ALDH3B1: variants seen among roughly 807,000 people sequenced by gnomAD.
ALDH3B1 encodes the protein aldehyde dehydrogenase family 3 member B1.
ALDH3B1 carries 37 observed loss-of-function variants against 46.2 expected under a neutral mutation model. The ratio of observed to expected loss-of-function variants is 0.80; its 90% CI spans 0.62 to 1.05. The LOEUF (loss-of-function observed/expected upper bound fraction) is 1.05, where lower values mean the gene tolerates loss of function less well. Among genes scored for constraint, ALDH3B1 ranks in the 50% least tolerant of loss-of-function variants. The probability of loss-of-function intolerance (pLI) is 0.00; values close to 1 mark genes in which losing one functional copy is unlikely to be tolerated. For synonymous variants in ALDH3B1, 283 were observed against 281.0 expected, an observed-to-expected ratio of 1.01 and a Z score of -0.07; for missense variants, 603 against 665.5, an observed-to-expected ratio of 0.91 and a Z score of 1.03.
Position 68,018,821 on chromosome 11 carries a change from G to T in ALDH3B1, c.322G>T (p.Val108Phe), listed in dbSNP as rs574684933. The T allele has an allele frequency of 6.4e-7, 1 of 1,564,884 alleles. No individual in the cohort carries two copies. The highest frequency in any genetic ancestry group is 8.7e-7 in the Non-Finnish European group (1 of 1,155,136). ...CATCCGGAAGGAGCCCTTTGGCCTGGTCCTCATCATTGCGCCCTGGAACTA... is the reference window on the plus strand; with the variant it reads ...CATCCGGAAGGAGCCCTTTGGCCTGTTCCTCATCATTGCGCCCTGGAACTA... ...AFIRKEPFGLVLIIAPWNYPL... is the reference protein window; with the variant it reads ...AFIRKEPFGLFLIIAPWNYPL... The change falls in exon 4 of 10, where the codon GTC (valine) becomes TTC (phenylalanine). Residue 108 changes from valine (V) to phenylalanine (F), a missense_variant. Physicochemically the swap from Val to Phe is conservative, Grantham distance 50. Coordinates refer to ENST00000342456, the MANE Select transcript of ALDH3B1 (RefSeq NM_000694.4).
chr11:68,022,977 G>A (rs1857540997), intron 8 of ALDH3B1, among the ~76,000 whole-genome samples: 1 of 152,214 alleles, frequency 6.6e-6, no homozygotes, highest in South Asian at 2.1e-4. Flanking sequence ...TCAGTGGGCA[G>A]CTTCCTGGGG....
Position 68,021,884 on chromosome 11 carries a change from G to T in ALDH3B1, c.949+13G>T, listed in dbSNP as rs1565138265. 7.0e-6 allele frequency: 11 copies of T among 1,580,158 alleles called. No homozygotes were observed. ...GATCGCTACATCGGTGAGTCCTGCT[G>T]CCCCTACCACAGCCCACCTGGGCCA... is the stretch of plus-strand genomic sequence containing the variant. On this transcript the variant is annotated intron_variant, in intron 7 of 9. Coordinates refer to ENST00000342456, the MANE Select transcript of ALDH3B1 (RefSeq NM_000694.4).
Position 68,028,189 on chromosome 11 carries a change from C to G in ALDH3B1, c.*250C>G. On this transcript the variant is annotated 3_prime_UTR_variant, in exon 10 of 10. Coordinates refer to ENST00000342456, the MANE Select transcript of ALDH3B1 (RefSeq NM_000694.4). Reference sequence around the variant, plus strand: ...AACAGTGCAGTGACTCACCCCCTGCCCCCGCACCAACCACCCATATTCAGG... The same window carrying G: ...AACAGTGCAGTGACTCACCCCCTGCGCCCGCACCAACCACCCATATTCAGG... The G allele has an allele frequency of 1.5e-6, 1 of 682,448 alleles. No homozygotes were observed. Among genetic ancestry groups the G allele is most frequent in the Non-Finnish European group, 2.7e-6 (1 of 372,768 alleles). 42.3% of individuals were successfully genotyped at this position (682,448 alleles called of 1,614,324 possible).
At chr11:68,014,199 G>A (rs1857292193) in intron 1 of ALDH3B1, among the ~76,000 whole-genome samples, 1 of 152,192 alleles carries the variant, frequency 6.6e-6, no homozygotes, top group African/African-American at 2.4e-5. Context: ...AGTCTAATGA[G>A]GGGGAAATAA....
At chr11:68,022,834 C>A in intron 8 of ALDH3B1, 73 bp downstream of exon 8, 1 of 1,580,500 alleles carries the variant, frequency 6.3e-7, no homozygotes, top group Non-Finnish European at 8.6e-7. Flanking sequence ...GCAGGGGGGG[C>A]ACCAAAATCC....
At chr11:68,018,981 T>C in intron 4 of ALDH3B1, 88 bp downstream of exon 4, 1 of 1,491,582 alleles carries the variant, frequency 6.7e-7, no homozygotes, top group Non-Finnish European at 8.9e-7. Flanking sequence ...ATGGGAGAAC[T>C]GGCCCAGGTG....
At position 68,016,426 on chromosome 11, in the gene ALDH3B1, C is replaced by T. The variant is rs543306195; in HGVS notation, c.162+967C>T. On this transcript the variant is annotated intron_variant, in intron 2 of 9. Transcript: ENST00000342456. ...GTATGGGCCACACTATGTAGGGCCTCGGAGGCCGTGAGGCCTTGGCCTTCT... is the reference window on the plus strand; with the variant it reads ...GTATGGGCCACACTATGTAGGGCCTTGGAGGCCGTGAGGCCTTGGCCTTCT... 104 of 152,490 alleles carry T rather than the reference C, an allele frequency of 6.8e-4. 1 individual carries two copies. Among genetic ancestry groups the T allele is most frequent in the African/African-American group, 2.4e-3 (100 of 41,562 alleles). 9.4% of individuals were successfully genotyped at this position (152,490 alleles called of 1,614,324 possible).
intron 6 of ALDH3B1, 84 bp downstream of exon 6, chr11:68,019,880 C>T: frequency 7.2e-7 from 1 of 1,397,916 alleles, no homozygotes; most frequent in Admixed American, 1.8e-5. Flanking sequence ...TGGGAGTCCA[C>T]AGGGAGACTG....
intron 1 of ALDH3B1, among the ~76,000 whole-genome samples, chr11:68,012,471 T>G (rs1344508220): frequency 6.6e-6 from 1 of 152,164 alleles, no homozygotes; most frequent in Non-Finnish European, 1.5e-5. Context: ...AAGCTGCAGG[T>G]CTGGGCCAAA....
chr11:68,025,416 T>G (rs1330446929), intron 8 of ALDH3B1: 1 of 152,238 alleles, frequency 6.6e-6, no homozygotes, highest in Non-Finnish European at 1.5e-5. Context: ...CAATCTTTTT[T>G]TCCTTTCAGT....
intron 8 of ALDH3B1, among the ~76,000 whole-genome samples, chr11:68,024,025 T>C (rs918713345): frequency 1.3e-5 from 2 of 151,980 alleles, no homozygotes; most frequent in African/African-American, 4.8e-5. Context: ...CTCTAGACTT[T>C]ATTTGGATTT....
chr11:68,022,741 G>A lies in ALDH3B1; in HGVS notation c.1096G>A (p.Ala366Thr), dbSNP rs542290656. The A allele has an allele frequency of 2.7e-5, 43 of 1,614,080 alleles. No homozygotes were observed. The South Asian group carries it at 2.7e-4, about 10-fold the overall frequency. Residue 366 changes from alanine to threonine, a missense_variant, in exon 8 of 10, where the codon GCC becomes ACC. Physicochemically the swap from Ala to Thr is moderately conservative, Grantham distance 58. Coordinates refer to ENST00000342456, the MANE Select transcript of ALDH3B1 (RefSeq NM_000694.4). ...GCGGGAGAAGCCCCTGGCCCTGTACGCCTTCTCCAACAGCAGCCAGGTGGG... is the reference window on the plus strand; with the variant it reads ...GCGGGAGAAGCCCCTGGCCCTGTACACCTTCTCCAACAGCAGCCAGGTGGG... Reference protein sequence around the residue: ...NRREKPLALYAFSNSSQVVKR... With the variant: ...NRREKPLALYTFSNSSQVVKR...
At chr11:68,012,791 G>A (rs1048593586) in intron 1 of ALDH3B1, among the ~76,000 whole-genome samples, 1 of 152,198 alleles carries the variant, frequency 6.6e-6, no homozygotes, top group African/African-American at 2.4e-5. Context: ...CCAGGGGACT[G>A]TGAGGGAGGT....
chr11:68,029,224 G>C lies in ALDH3B1; in HGVS notation c.*1285G>C, dbSNP rs4646816. The C allele has an allele frequency of 6.6e-6, 1 of 152,180 alleles. No individual in the cohort carries two copies. Among genetic ancestry groups the C allele is most frequent in the Non-Finnish European group, 1.5e-5 (1 of 68,044 alleles). 9.4% of individuals were successfully genotyped at this position (152,180 alleles called of 1,614,324 possible). ...AGGGACAGGGGTGGACCTGAGTTTC[G>C]TCTCCTGTCTCTCTGGCTGATGTCA... On this transcript the variant is annotated 3_prime_UTR_variant, in exon 10 of 10. Transcript: ENST00000342456.
intron 1 of ALDH3B1, among the ~76,000 whole-genome samples, chr11:68,011,422 G>A (rs1225373992): frequency 1.3e-5 from 2 of 152,190 alleles, no homozygotes; most frequent in Admixed American, 6.5e-5. Flanking sequence ...GTGGTTTTGG[G>A]CTCTGTCTGC....
At chr11:68,013,032 G>A (rs548438209) in intron 1 of ALDH3B1, among the ~76,000 whole-genome samples, 1 of 152,222 alleles carries the variant, frequency 6.6e-6, no homozygotes, top group Admixed American at 6.5e-5. Flanking sequence ...GCGGGGGTGG[G>A]CTTGGGGGAC....
chr11:68,023,506 C>T (rs1265115412), intron 8 of ALDH3B1, among the ~76,000 whole-genome samples: 1 of 151,828 alleles, frequency 6.6e-6, no homozygotes, highest in Non-Finnish European at 1.5e-5. Flanking sequence ...GGTTTTGCCA[C>T]ATTGGTCAGG....
Position 68,015,338 on chromosome 11 carries a change from C to T in ALDH3B1, c.41C>T (p.Ala14Val). Residue 14 changes from alanine to valine, a missense_variant, in exon 2 of 10, where the codon GCC becomes GTC. By Grantham distance (64) the Ala-to-Val change is moderately conservative (BLOSUM62 0). Transcript: ENST00000342456. Reference protein sequence around the residue: ...LGDTLRRLREAFHAGRTRPAE... With the variant: ...LGDTLRRLREVFHAGRTRPAE... Reference sequence around the variant, plus strand: ...GACACGCTGCGGCGACTGCGGGAGGCCTTCCACGCGGGGCGCACGCGGCCA... The same window carrying T: ...GACACGCTGCGGCGACTGCGGGAGGTCTTCCACGCGGGGCGCACGCGGCCA... The T allele has an allele frequency of 1.3e-6, 2 of 1,529,794 alleles. No homozygotes were observed. Among genetic ancestry groups the T allele is most frequent in the Non-Finnish European group, 1.8e-6 (2 of 1,134,062 alleles). 94.8% of individuals were successfully genotyped at this position (1,529,794 alleles called of 1,614,324 possible). A position where few individuals can be genotyped will look rare whatever the true frequency, so the allele number is the denominator to read the frequency against.
rs1367163427 is a variant in ALDH3B1 at position 68,015,450 on chromosome 11, C to T, written c.153C>T (p.Asp51=). Residue 51 remains aspartate, a synonymous_variant, in exon 2 of 10, where the codon GAC becomes GAT. Coordinates refer to ENST00000342456, the MANE Select transcript of ALDH3B1 (RefSeq NM_000694.4). ...TTCTGCACGACGCACTGGCCCAGGACCTGCACAAGGTGGGCTGGGGTTGGG... is the reference window on the plus strand; with the variant it reads ...TTCTGCACGACGCACTGGCCCAGGATCTGCACAAGGTGGGCTGGGGTTGGG... The part of the protein sequence containing the change: ...KQLLHDALAQ[D]LHKSAFESEV... 1.9e-6 allele frequency: 3 copies of T among 1,566,724 alleles called. No homozygotes were observed. The highest frequency in any genetic ancestry group is 1.7e-4 in the Middle Eastern group (1 of 5,820).
Sources: allele counts gnomAD v4.1 joint callset (sites outside exome capture counted in the v4.1 genomes callset), GRCh38; gene constraint gnomAD v4.1.1; transcripts MANE v1.5; gene names NCBI Gene and HGNC (gene_info 2026-07-23, HGNC 2026-07-21).